The following ANKFN1 variants were observed in gnomAD, a reference collection of about 807,000 sequenced individuals.
The protein encoded by ANKFN1 is ankyrin repeat and fibronectin type III domain containing 1, also known as ankyrin repeat and fibronectin type-III domain-containing protein 1.
In ANKFN1, 74 loss-of-function variants were observed where a neutral mutation model predicts 108.7. The ratio of observed to expected loss-of-function variants is 0.68; its 90% CI spans 0.56 to 0.83. ANKFN1 has a LOEUF of 0.83. Ranked by LOEUF, ANKFN1 falls within the 40% of genes least tolerant of loss-of-function variation. The pLI is 0.00. For synonymous variants in ANKFN1, 547 were observed against 516.2 expected (o/e 1.06, Z -0.81); for missense variants, 1,505 against 1,382.3 (o/e 1.09, Z -1.41).
At chr17:56,502,104 G>C (rs2051390615) in intron 20 of ANKFN1, among the ~76,000 whole-genome samples, 2 of 152,164 alleles carry the variant, frequency 1.3e-5, no homozygotes, top group Admixed American at 6.5e-5. Context: ...AGGCAGGAAA[G>C]CTATGTATGC....
intron 4 of ANKFN1, among the ~76,000 whole-genome samples, chr17:56,097,730 C>T (rs1252216729): frequency 6.6e-6 from 1 of 152,210 alleles, no homozygotes; most frequent in Admixed American, 6.5e-5. Context: ...ACTCTGTCAG[C>T]CTCGTCTTTT....
At chr17:56,436,159 A>G (rs926575033) in intron 8 of ANKFN1, among the ~76,000 whole-genome samples, 1 of 152,140 alleles carries the variant, frequency 6.6e-6, no homozygotes, top group African/African-American at 2.4e-5. Context: ...CATATCTGAA[A>G]CCTAGATAAA....
chr17:56,168,192 G>A (rs189435914), intron 1 of ANKFN1, among the ~76,000 whole-genome samples: 144 of 151,184 alleles, frequency 9.5e-4, no homozygotes, highest in African/African-American at 3.4e-3. Context: ...GCTTGAACCC[G>A]TGAAGCAGAG....
At chr17:56,236,860 G>A (rs939051706) in intron 3 of ANKFN1, among the ~76,000 whole-genome samples, 17 of 152,128 alleles carry the variant, frequency 1.1e-4, no homozygotes, top group African/African-American at 4.1e-4. Context: ...AGTTTTCAAG[G>A]GAAATGCTTC....
chr17:56,348,586 TG>T (rs1174850754), intron 4 of ANKFN1, among the ~76,000 whole-genome samples: 3 of 152,106 alleles, frequency 2.0e-5, no homozygotes, highest in Non-Finnish European at 4.4e-5. Context: ...CATTAAAAAG[TG>T]GGCAAAAGAC....
In ANKFN1 at chr17:56,091,100, C is replaced by T. The variant is rs929022248; in HGVS notation, c.288+44775C>T. On this transcript the variant is annotated intron_variant, in intron 4 of 12. Transcript: ENST00000635860. ...CCAGAAGCTGGTCCAAAGCATAAGA[C>T]GTAGTAGCGCCTCAAAAAATTCTTG... is the stretch of plus-strand genomic sequence containing the variant. 6.6e-5 allele frequency among the ~76,000 whole-genome samples: 10 copies of T among 150,880 alleles called. 2 individuals carry two copies. Among genetic ancestry groups the T allele is most frequent in the Non-Finnish European group, 1.5e-4 (10 of 67,634 alleles).
chr17:56,332,257 C>G (rs962867364), intron 4 of ANKFN1, among the ~76,000 whole-genome samples: 39 of 152,140 alleles, frequency 2.6e-4, no homozygotes, highest in African/African-American at 9.4e-4. Flanking sequence ...TCGAGGCTCT[C>G]TGCTTATGTA....
chr17:56,186,801 G>A (rs1429054741), intron 1 of ANKFN1, among the ~76,000 whole-genome samples: 3 of 152,234 alleles, frequency 2.0e-5, no homozygotes, highest in South Asian at 2.1e-4. Context: ...AAAATCGCAC[G>A]GGGCTGTAGA....
chr17:56,263,132 C>G (rs536036686), intron 3 of ANKFN1, among the ~76,000 whole-genome samples: 5 of 152,344 alleles, frequency 3.3e-5, no homozygotes, highest in African/African-American at 1.2e-4. Context: ...ACAAGACGAA[C>G]AAGTTCACAG....
chr17:56,177,569 C>T (rs779874467), intron 1 of ANKFN1, among the ~76,000 whole-genome samples: 7 of 152,220 alleles, frequency 4.6e-5, no homozygotes, highest in Non-Finnish European at 8.8e-5. Flanking sequence ...CAAGCCCACA[C>T]ATCAGTGACT....
At chr17:56,167,259 G>GTATATA in intron 1 of ANKFN1, among the ~76,000 whole-genome samples, 1 of 82,120 alleles carries the variant, frequency 1.2e-5, no homozygotes, top group African/African-American at 4.4e-5. Context: ...ATGTATGTGT[G>GTATATA]TGTATATATA....
At chr17:56,055,536 T>A (rs548865682) in intron 4 of ANKFN1, among the ~76,000 whole-genome samples, 3 of 118,954 alleles carry the variant, frequency 2.5e-5, no homozygotes, top group Admixed American at 1.8e-4. Flanking sequence ...GTATGCCTAA[T>A]GTGGTATATG....
At chr17:56,090,789 G>A (rs971587727) in intron 4 of ANKFN1, among the ~76,000 whole-genome samples, 1 of 150,904 alleles carries the variant, frequency 6.6e-6, no homozygotes, top group Non-Finnish European at 1.5e-5. Flanking sequence ...AAAAAATTTT[G>A]TACAGATTGG....
intron 14 of ANKFN1, among the ~76,000 whole-genome samples, chr17:56,461,581 G>A (rs1207717675): frequency 6.6e-6 from 1 of 152,110 alleles, no homozygotes; most frequent in Non-Finnish European, 1.5e-5. Context: ...CTTCCTTAAA[G>A]AGCCTTTCTC....
intron 4 of ANKFN1, among the ~76,000 whole-genome samples, chr17:56,100,965 T>C (rs1340941796): frequency 1.3e-5 from 2 of 152,144 alleles, no homozygotes; most frequent in Non-Finnish European, 2.9e-5. Context: ...ATTCTAACCT[T>C]CAATGTGATG....
intron 18 of ANKFN1, among the ~76,000 whole-genome samples, chr17:56,491,537 C>A (rs2051039763): frequency 6.6e-6 from 1 of 152,076 alleles, no homozygotes; most frequent in Admixed American, 6.6e-5. Context: ...GATATCTGTC[C>A]AATTATCTGT....
At chr17:56,195,727 A>G (rs1309418518) in intron 1 of ANKFN1, among the ~76,000 whole-genome samples, 2 of 152,096 alleles carry the variant, frequency 1.3e-5, no homozygotes, top group Non-Finnish European at 2.9e-5. Context: ...TTAAAGTATC[A>G]CTCAGCGTAT....
chr17:56,050,765 T>C (rs1237481161), intron 4 of ANKFN1, among the ~76,000 whole-genome samples: 1 of 152,136 alleles, frequency 6.6e-6, no homozygotes, highest in Non-Finnish European at 1.5e-5. Flanking sequence ...TCTGTTTTGG[T>C]ACCATCAGAG....
rs961492139 is a variant in ANKFN1, at chr17:56,054,449, G to T, written c.288+8124G>T. On this transcript the variant is annotated intron_variant, in intron 4 of 12. Transcript: ENST00000635860. ...CAGGCATGTCTCAGAGACATTGCGGGTTTGGTTTCAGACCACCAAAATAAA... is the reference window on the plus strand; with the variant it reads ...CAGGCATGTCTCAGAGACATTGCGGTTTTGGTTTCAGACCACCAAAATAAA... Among the ~76,000 whole-genome samples, 13 of 152,278 alleles carry T rather than the reference G, an allele frequency of 8.5e-5. No homozygotes were observed. The South Asian group carries it at 1.0e-3, about 12-fold the overall frequency.
Sources: allele counts gnomAD v4.1 joint callset (sites outside exome capture counted in the v4.1 genomes callset), GRCh38; gene constraint gnomAD v4.1.1; transcripts MANE v1.5; gene names NCBI Gene and HGNC (gene_info 2026-07-23, HGNC 2026-07-21).